Variants in LAMA3 observed in about 807,000 individuals in gnomAD.
The protein encoded by LAMA3 is laminin subunit alpha 3, also known as laminin subunit alpha-3.
Under a neutral mutation model 402.0 loss-of-function variants are expected in LAMA3, and 281 were observed. The observed-to-expected ratio is 0.70, with a 90% CI of 0.63 to 0.77. The LOEUF is 0.77. Ranked by LOEUF, LAMA3 falls within the 30% of genes least tolerant of loss-of-function variation. The pLI is 0.00. For synonymous variants in LAMA3, 1,431 were observed against 1,558.4 expected, an observed-to-expected ratio of 0.92 and a Z score of 1.93; for missense variants, 3,840 against 4,215.5, an observed-to-expected ratio of 0.91 and a Z score of 2.47.
intron 12 of LAMA3, among the ~76,000 whole-genome samples, chr18:23,794,037 T>G: frequency 6.6e-6 from 1 of 152,234 alleles, no homozygotes; most frequent in Non-Finnish European, 1.5e-5. Flanking sequence ...AGACGAGATA[T>G]GGGGGAAGAG....
At chr18:23,792,513 T>A (rs945641532) in intron 12 of LAMA3, among the ~76,000 whole-genome samples, 6 of 152,192 alleles carry the variant, frequency 3.9e-5, no homozygotes, top group African/African-American at 1.2e-4. Flanking sequence ...TCCACCCCCA[T>A]GACCCAAACA....
chr18:23,856,249 G>C (rs566812931), intron 32 of LAMA3, among the ~76,000 whole-genome samples: 1 of 152,254 alleles, frequency 6.6e-6, no homozygotes, highest in South Asian at 2.1e-4. Context: ...GAAATAAGCA[G>C]ATATTTGCCA....
chr18:23,840,032 A>G, intron 27 of LAMA3, 103 bp downstream of exon 27: 1 of 1,234,914 alleles, frequency 8.1e-7, no homozygotes, highest in African/African-American at 1.5e-5. Context: ...TCACAGACCC[A>G]CTACAGACCT....
At chr18:23,769,070 A>G (rs2062139406) in intron 8 of LAMA3, among the ~76,000 whole-genome samples, 1 of 152,214 alleles carries the variant, frequency 6.6e-6, no homozygotes, top group Admixed American at 6.5e-5. Flanking sequence ...AGGATCAATC[A>G]TACACCAAAG....
intron 62 of LAMA3, among the ~76,000 whole-genome samples, chr18:23,924,533 CT>C (rs1323473856): frequency 5.7e-5 from 7 of 122,822 alleles, no homozygotes; most frequent in Admixed American, 9.7e-5. Flanking sequence ...ATACTTTGAC[CT>C]TTTTTTTTCT....
rs556363846 is a variant in LAMA3 at position 23,857,348 on chromosome 18, G to A, written c.4137-496G>A. Among the ~76,000 whole-genome samples, 16 of 152,340 alleles carry A rather than the reference G, an allele frequency of 1.1e-4. No individual in the cohort carries two copies. In the South Asian group the frequency reaches 1.9e-3, roughly 18 times the overall value. On this transcript the variant is annotated intron_variant, in intron 32 of 74. Coordinates refer to ENST00000313654, the MANE Select transcript of LAMA3 (RefSeq NM_198129.4). Reference sequence around the variant, plus strand: ...CATCTGCCCCAGCAGCACCATGCTTGTGTTGTTCCCTGTACACACTGAGTG... The same window carrying A: ...CATCTGCCCCAGCAGCACCATGCTTATGTTGTTCCCTGTACACACTGAGTG...
intron 2 of LAMA3, among the ~76,000 whole-genome samples, chr18:23,736,888 C>G (rs2061484532): frequency 6.6e-6 from 1 of 152,270 alleles, no homozygotes; most frequent in South Asian, 2.1e-4. Context: ...TTCCCTTACT[C>G]CAGCCCAGAG....
Position 23,928,724 on chromosome 18 carries a change from A to G in LAMA3, c.8395A>G (p.Thr2799Ala), listed in dbSNP as rs1385233217. ...DHLQASFGFQ[T>A]FQPSGILLDH... ...CCTCCAGGCCTCATTTGGATTTCAGACCTTTCAACCCAGTGGCATATTATT... is the reference window on the plus strand; with the variant it reads ...CCTCCAGGCCTCATTTGGATTTCAGGCCTTTCAACCCAGTGGCATATTATT... Residue 2799 changes from threonine to alanine, a missense_variant, in exon 64 of 75, where the codon ACC (threonine) becomes GCC (alanine). By Grantham distance (58) the Thr-to-Ala change is moderately conservative. Coordinates refer to ENST00000313654, the MANE Select transcript of LAMA3 (RefSeq NM_198129.4). 1 of 1,613,980 alleles carries G rather than the reference A, an allele frequency of 6.2e-7. No homozygotes were observed. The highest frequency in any genetic ancestry group is 8.5e-7 in the Non-Finnish European group (1 of 1,179,826).
chr18:23,761,022 C>T (rs1802542550), intron 7 of LAMA3, among the ~76,000 whole-genome samples: 1 of 152,134 alleles, frequency 6.6e-6, no homozygotes, highest in African/African-American at 2.4e-5. Flanking sequence ...GCGTTCGGAC[C>T]ATAGCAGAGA....
chr18:23,904,526 G>T (rs367659786), intron 50 of LAMA3, 27 bp from the exon 51 acceptor site: 24 of 1,572,906 alleles, frequency 1.5e-5, no homozygotes, highest in Non-Finnish European at 1.8e-5. Context: ...AGGCTGTGGG[G>T]AGTGGCTAAC....
intron 37 of LAMA3, 104 bp from the exon 38 acceptor site, chr18:23,871,326 AT>A (rs2064511193): frequency 1.2e-6 from 1 of 868,746 alleles, no homozygotes; most frequent in African/African-American, 1.6e-5. Flanking sequence ...CTCCCTATGC[AT>A]TTTAAGTGTC....
At position 23,879,146 on chromosome 18, in the gene LAMA3, A is replaced by G. The variant is rs951339018; in HGVS notation, c.5112+2739A>G. ...CTCTGCAGTTGCAATGGAATTTCCA[A>G]ATGATTTATCTGAAATTCACAGCTG... is the stretch of plus-strand genomic sequence containing the variant. On this transcript the variant is annotated intron_variant, in intron 39 of 74. Coordinates refer to ENST00000313654, the MANE Select transcript of LAMA3 (RefSeq NM_198129.4). This position sits in a 1 kb window ranked among gnomAD's most constrained non-coding sequence, Gnocchi z 4.2. 1.3e-5 allele frequency among the ~76,000 whole-genome samples: 2 copies of G among 152,014 alleles called. No homozygotes were observed. The highest frequency in any genetic ancestry group is 2.9e-5 in the Non-Finnish European group (2 of 68,016).
At chr18:23,868,476 G>A (rs950026200) in intron 37 of LAMA3, among the ~76,000 whole-genome samples, 1 of 152,110 alleles carries the variant, frequency 6.6e-6, no homozygotes, top group Non-Finnish European at 1.5e-5. Flanking sequence ...AATAGGCATG[G>A]TGGGGTGTGC....
intron 54 of LAMA3, 87 bp from the exon 55 acceptor site, chr18:23,909,066 C>G: frequency 7.5e-7 from 1 of 1,328,190 alleles, no homozygotes; most frequent in Non-Finnish European, 1.1e-6. Context: ...AAACATGCCA[C>G]TTGACAAATA....
chr18:23,945,112 G>A (rs1039449648), intron 69 of LAMA3, among the ~76,000 whole-genome samples: 4 of 152,156 alleles, frequency 2.6e-5, no homozygotes, highest in East Asian at 1.9e-4. Flanking sequence ...CAGCCTGGGC[G>A]ACAGAGCAAG....
At chr18:23,873,933 A>G (rs949131622) in intron 38 of LAMA3, among the ~76,000 whole-genome samples, 3 of 152,256 alleles carry the variant, frequency 2.0e-5, no homozygotes, top group Non-Finnish European at 4.4e-5. Flanking sequence ...TGAGTGTTCA[A>G]TATAATCTGA....
In LAMA3 at chr18:23,916,595, A is replaced by C; in HGVS notation, c.7823A>C (p.Tyr2608Ser). 6.2e-7 allele frequency: 1 copy of C among 1,614,156 alleles called. No homozygotes were observed. Among genetic ancestry groups the C allele is most frequent in the Non-Finnish European group, 8.5e-7 (1 of 1,179,972 alleles). ...SDKNYFEGTG[Y>S]ARVPTQPHAP... ...AAAAATTATTTTGAAGGTACGGGCT[A>C]TGCTCGAGTTCCAACTCAACCACAT... Residue 2608 changes from tyrosine (Y) to serine (S), a missense_variant, in exon 60 of 75, where the codon TAT (tyrosine) becomes TCT (serine). By Grantham distance (144) the Tyr-to-Ser change is moderately radical. This residue lies in a region of LAMA3 where 840 missense variants were observed against 981.9 expected (regional missense o/e 0.86). Transcript: ENST00000313654.
intron 62 of LAMA3, among the ~76,000 whole-genome samples, chr18:23,927,116 G>A (rs1045776871): frequency 2.6e-5 from 4 of 152,168 alleles, no homozygotes; most frequent in Non-Finnish European, 4.4e-5. Flanking sequence ...GAGCATTCAC[G>A]TCCAGGTGCC....
Position 23,861,819 on chromosome 18 carries a change from C to A in LAMA3, c.4584+12C>A, listed in dbSNP as rs1448733815. ...ACCTGGGGGACAAGGTAATGATGTCCTGCTGTTCTTCTGGGCCCTCAGTGG... is the reference window on the plus strand; with the variant it reads ...ACCTGGGGGACAAGGTAATGATGTCATGCTGTTCTTCTGGGCCCTCAGTGG... On this transcript the variant is annotated intron_variant, in intron 35 of 74. Transcript: ENST00000313654. 1 of 1,608,942 alleles carries A rather than the reference C, an allele frequency of 6.2e-7. No homozygotes were observed. Among genetic ancestry groups the A allele is most frequent in the South Asian group, 1.1e-5 (1 of 90,268 alleles).
Sources: allele counts gnomAD v4.1 joint callset (sites outside exome capture counted in the v4.1 genomes callset), GRCh38; gene constraint gnomAD v4.1.1; regional missense constraint gnomAD v4.1.1; non-coding constraint Gnocchi (gnomAD v3.1); transcripts MANE v1.5; gene names NCBI Gene and HGNC (gene_info 2026-07-23, HGNC 2026-07-21).